Variants in MAGI2 observed in about 807,000 individuals in gnomAD.
The protein encoded by MAGI2 is membrane-associated guanylate kinase, WW and PDZ domain-containing protein 2.
A neutral mutation model predicts 133.3 loss-of-function variants in MAGI2; 35 were observed. The observed-to-expected ratio is 0.26, with a 90% CI of 0.20 to 0.35. The LOEUF (loss-of-function observed/expected upper bound fraction) is 0.35. MAGI2 is among the 10% of genes least tolerant of loss of function. MAGI2 has a pLI of 1.00. For synonymous variants in MAGI2, 729 were observed against 710.6 expected, an observed-to-expected ratio of 1.03 and a Z score of -0.41; for missense variants, 1,636 against 1,863.4, an observed-to-expected ratio of 0.88 and a Z score of 2.25.
intron 2 of MAGI2, among the ~76,000 whole-genome samples, chr7:78,679,324 C>T (rs1418086795): frequency 1.3e-5 from 2 of 152,160 alleles, no homozygotes; most frequent in Non-Finnish European, 2.9e-5. Context: ...CCCCATTAGA[C>T]TGATCTCCTA....
chr7:79,174,481 GA>G (rs1485349993), intron 1 of MAGI2, among the ~76,000 whole-genome samples: 4 of 151,686 alleles, frequency 2.6e-5, no homozygotes, highest in East Asian at 1.9e-4. Flanking sequence ...ACAAACTGGG[GA>G]AAAAAATTAC....
chr7:79,024,612 C>T (rs1809685874), intron 1 of MAGI2, among the ~76,000 whole-genome samples: 1 of 151,924 alleles, frequency 6.6e-6, no homozygotes, highest in Admixed American at 6.6e-5. Context: ...ATACAACCAA[C>T]AAAAGTCTCA....
intron 1 of MAGI2, among the ~76,000 whole-genome samples, chr7:79,392,012 CA>C (rs1844694974): frequency 6.6e-6 from 1 of 152,074 alleles, no homozygotes; most frequent in African/African-American, 2.4e-5. Flanking sequence ...CCCCTTGACT[CA>C]CCACCCTCCG....
intron 21 of MAGI2, among the ~76,000 whole-genome samples, chr7:78,028,685 T>A (rs1021017675): frequency 6.6e-6 from 1 of 151,872 alleles, no homozygotes; most frequent in African/African-American, 2.4e-5. Context: ...CAAAACACCA[T>A]CTCTACTAAA....
At chr7:78,692,734 G>A (rs370167239) in intron 2 of MAGI2, among the ~76,000 whole-genome samples, 3 of 152,170 alleles carry the variant, frequency 2.0e-5, no homozygotes, top group Non-Finnish European at 2.9e-5. Context: ...AACAAAAAAC[G>A]CATGCTCTAA....
At chr7:78,758,587 C>T (rs1824188867) in intron 2 of MAGI2, among the ~76,000 whole-genome samples, 1 of 152,176 alleles carries the variant, frequency 6.6e-6, no homozygotes, top group South Asian at 2.1e-4. Flanking sequence ...ATCACATGCA[C>T]ATCTGTGTGA....
chr7:78,323,930 C>T (rs914921070), intron 9 of MAGI2, among the ~76,000 whole-genome samples: 6 of 151,984 alleles, frequency 3.9e-5, no homozygotes, highest in Non-Finnish European at 8.8e-5. Context: ...GGGCATATAG[C>T]AGGGAAATAA....
intron 4 of MAGI2, among the ~76,000 whole-genome samples, chr7:78,507,704 G>C (rs2150546517): frequency 6.6e-6 from 1 of 152,168 alleles, no homozygotes; most frequent in Non-Finnish European, 1.5e-5. Flanking sequence ...TAGAAACAAG[G>C]GTACCTAAAG....
At chr7:79,395,974 A>AT (rs1251366677) in intron 1 of MAGI2, among the ~76,000 whole-genome samples, 2 of 152,110 alleles carry the variant, frequency 1.3e-5, no homozygotes, top group Non-Finnish European at 2.9e-5. Context: ...GTATCTATTG[A>AT]TTTTTTTAAA....
At chr7:78,501,494 T>C (rs1794621309) in intron 5 of MAGI2, 83 bp downstream of exon 5, 4 of 1,227,480 alleles carry the variant, frequency 3.3e-6, no homozygotes, top group African/African-American at 1.5e-5. Context: ...CTTTTTTTTT[T>C]TTTTTCCACG....
chr7:78,372,499 T>C (rs1192466812), intron 6 of MAGI2, among the ~76,000 whole-genome samples: 1 of 152,174 alleles, frequency 6.6e-6, no homozygotes, highest in Non-Finnish European at 1.5e-5. Context: ...CAACAATACT[T>C]GACAAATCTG....
intron 2 of MAGI2, among the ~76,000 whole-genome samples, chr7:78,644,846 T>C (rs1810679874): frequency 6.6e-6 from 1 of 151,600 alleles, no homozygotes; most frequent in African/African-American, 2.4e-5. Flanking sequence ...AAGAGAAAAA[T>C]CAATAAAACT....
chr7:78,457,757 A>G (rs1789473173), intron 6 of MAGI2, among the ~76,000 whole-genome samples: 2 of 152,224 alleles, frequency 1.3e-5, no homozygotes, highest in Non-Finnish European at 2.9e-5. Flanking sequence ...GACTAAAAAT[A>G]CAGCTCATGA....
intron 3 of MAGI2, chr7:78,617,751 G>A (rs1807263764): frequency 6.6e-6 from 1 of 152,028 alleles, no homozygotes. Context: ...AATAAAAGTT[G>A]CAGTTTATAA....
intron 2 of MAGI2, among the ~76,000 whole-genome samples, chr7:78,760,329 C>A (rs1824369831): frequency 6.8e-6 from 1 of 148,046 alleles, no homozygotes; most frequent in South Asian, 2.2e-4. Context: ...AATGACAGTT[C>A]TTAGAGTCCT....
chr7:79,047,916 T>G (rs1291142439), intron 1 of MAGI2, among the ~76,000 whole-genome samples: 3 of 152,102 alleles, frequency 2.0e-5, no homozygotes, highest in African/African-American at 4.8e-5. Flanking sequence ...GGAAATAGAT[T>G]TTTAGAAGTC....
chr7:79,312,792 G>A (rs978244150), intron 1 of MAGI2, among the ~76,000 whole-genome samples: 5 of 152,100 alleles, frequency 3.3e-5, no homozygotes, highest in Non-Finnish European at 5.9e-5. Flanking sequence ...GGATCTCCTC[G>A]AATCTGGATA....
At chr7:78,854,663 T>A (rs1045283875) in intron 2 of MAGI2, among the ~76,000 whole-genome samples, 7 of 151,768 alleles carry the variant, frequency 4.6e-5, no homozygotes, top group African/African-American at 1.7e-4. Context: ...TTTTTTTTTT[T>A]ATTACAAGAT....
chr7:79,092,377 T>C (rs1817140671), intron 1 of MAGI2, among the ~76,000 whole-genome samples: 1 of 152,164 alleles, frequency 6.6e-6, no homozygotes, highest in Admixed American at 6.5e-5. Flanking sequence ...AAGGATAAAG[T>C]TCTTGAATAA....
Sources: allele counts gnomAD v4.1 joint callset (sites outside exome capture counted in the v4.1 genomes callset), GRCh38; gene constraint gnomAD v4.1.1; transcripts MANE v1.5; gene names NCBI Gene and HGNC (gene_info 2026-07-23, HGNC 2026-07-21).